BCAS1: variants seen among roughly 807,000 people sequenced by gnomAD.
BCAS1 encodes the protein breast carcinoma-amplified sequence 1.
In BCAS1, 46 loss-of-function variants were observed where a neutral mutation model predicts 65.4. That is an observed-to-expected ratio of 0.70 (90% CI 0.55 to 0.90). BCAS1 has a LOEUF of 0.90. BCAS1 is among the 40% of genes least tolerant of loss of function. The probability of loss-of-function intolerance (pLI) is 0.00; values close to 1 mark genes in which losing one functional copy is unlikely to be tolerated. For missense variants in BCAS1, 793 were observed against 771.2 expected (o/e 1.03, Z -0.33); for synonymous variants, 298 against 293.5 (o/e 1.02, Z -0.16).
intron 1 of BCAS1, among the ~76,000 whole-genome samples, chr20:54,063,529 G>C (rs539952277): frequency 6.6e-5 from 10 of 152,222 alleles, no homozygotes; most frequent in African/African-American, 2.4e-4. Context: ...AGTCAATTTG[G>C]GGCCCTGGAA....
chr20:53,953,607 T>A lies in BCAS1; in HGVS notation c.1640A>T (p.Asp547Val). The change falls in exon 12 of 13, where the codon GAC (aspartate) becomes GTC (valine). Residue 547 changes from aspartate to valine, a missense_variant. By Grantham distance (152) the Asp-to-Val change is radical. Coordinates refer to ENST00000688948, the MANE Select transcript of BCAS1 (RefSeq NM_001366298.2). The stretch of plus-strand genomic sequence containing the variant: ...GTTCATCTCGGCTGCTGACTTCTTG[T>A]CCTTCGAGGAGCCCTCTTTACCCTT... ...PQKGKEGSSK[D>V]KKSAAEMNKQ... The A allele has an allele frequency of 6.2e-7, 1 of 1,613,942 alleles. No individual in the cohort carries two copies. The highest frequency in any genetic ancestry group is 8.5e-7 in the Non-Finnish European group (1 of 1,180,002).
At chr20:54,036,174 C>T (rs552127905) in intron 3 of BCAS1, among the ~76,000 whole-genome samples, 2 of 150,768 alleles carry the variant, frequency 1.3e-5, no homozygotes, top group South Asian at 2.1e-4. Context: ...GACAACAAAC[C>T]CCCATGACAC....
intron 12 of BCAS1, among the ~76,000 whole-genome samples, chr20:53,948,526 C>T (rs571823999): frequency 9.8e-5 from 15 of 152,310 alleles, no homozygotes; most frequent in Non-Finnish European, 2.1e-4. Context: ...TTTAGGTGGG[C>T]ACCTGCCCTT....
intron 1 of BCAS1, among the ~76,000 whole-genome samples, chr20:54,060,268 A>G (rs1178757285): frequency 2.0e-5 from 3 of 152,246 alleles, no homozygotes; most frequent in Non-Finnish European, 2.9e-5. Context: ...TAAGCAAAAC[A>G]TATCTGCTTA....
intron 8 of BCAS1, among the ~76,000 whole-genome samples, chr20:53,981,187 G>A (rs891581987): frequency 2.6e-5 from 4 of 152,192 alleles, no homozygotes; most frequent in African/African-American, 9.7e-5. Context: ...TTTTGATCAT[G>A]TGACAGCTCT....
chr20:54,001,162 T>C (rs1308180269), intron 4 of BCAS1, among the ~76,000 whole-genome samples: 1 of 152,222 alleles, frequency 6.6e-6, no homozygotes, highest in Admixed American at 6.5e-5. Flanking sequence ...TTAAGATTTG[T>C]TCGTGAAACT....
chr20:54,015,679 T>A (rs2091422253), intron 4 of BCAS1, among the ~76,000 whole-genome samples: 1 of 152,234 alleles, frequency 6.6e-6, no homozygotes, highest in Admixed American at 6.5e-5. Context: ...TTATTCTTTC[T>A]GAACAATGAA....
intron 10 of BCAS1, among the ~76,000 whole-genome samples, chr20:53,963,307 C>T (rs1431907937): frequency 1.3e-5 from 2 of 151,398 alleles, no homozygotes; most frequent in Non-Finnish European, 3.0e-5. Flanking sequence ...TATGGTGAAA[C>T]CCTGTCTCTT....
At chr20:54,054,846 G>C (rs1601014383) in intron 3 of BCAS1, among the ~76,000 whole-genome samples, 1 of 152,118 alleles carries the variant, frequency 6.6e-6, no homozygotes, top group Non-Finnish European at 1.5e-5. Context: ...CTCCTTTTGG[G>C]AACATCTTTG....
intron 11 of BCAS1, among the ~76,000 whole-genome samples, chr20:53,954,051 T>G (rs1413654791): frequency 6.6e-6 from 1 of 152,188 alleles, no homozygotes; most frequent in Non-Finnish European, 1.5e-5. Context: ...AGCATGTGAC[T>G]TAGGCCTGAC....
intron 10 of BCAS1, among the ~76,000 whole-genome samples, chr20:53,962,317 C>T (rs375156944): frequency 1.3e-5 from 2 of 152,284 alleles, no homozygotes; most frequent in East Asian, 3.9e-4. Flanking sequence ...CTCATTTGGA[C>T]TTTTAATTTA....
chr20:54,057,918 T>C (rs111344138), intron 3 of BCAS1, among the ~76,000 whole-genome samples, 167 bp downstream of exon 3: 3 of 152,238 alleles, frequency 2.0e-5, no homozygotes, highest in Admixed American at 6.5e-5. Context: ...TACATTTCTG[T>C]TGCTTAAGCC....
At chr20:54,003,963 C>T (rs1424124761) in intron 4 of BCAS1, among the ~76,000 whole-genome samples, 1 of 152,198 alleles carries the variant, frequency 6.6e-6, no homozygotes, top group East Asian at 1.9e-4. Context: ...CTATTTATAG[C>T]AGATGAGTGT....
At chr20:54,053,457 G>A (rs910749373) in intron 3 of BCAS1, among the ~76,000 whole-genome samples, 2 of 152,056 alleles carry the variant, frequency 1.3e-5, no homozygotes, top group South Asian at 2.1e-4. Context: ...ACATTGTATC[G>A]AAAGACAAAT....
chr20:53,979,923 A>G (rs2090435099), intron 8 of BCAS1, among the ~76,000 whole-genome samples: 1 of 152,176 alleles, frequency 6.6e-6, no homozygotes, highest in Admixed American at 6.5e-5. Context: ...ATTTTTCTTG[A>G]GTAATTCTAT....
At chr20:53,960,709 C>T (rs891802260) in intron 10 of BCAS1, among the ~76,000 whole-genome samples, 3 of 151,902 alleles carry the variant, frequency 2.0e-5, no homozygotes, top group Admixed American at 6.6e-5. Flanking sequence ...TCCTTCCTCT[C>T]GTCCTCTCTC....
rs570762576 is a variant in BCAS1 at position 54,021,629 on chromosome 20, A to C, written c.723+6763T>G. Among the ~76,000 whole-genome samples the C allele has an allele frequency of 5.3e-5, 8 of 152,020 alleles. No homozygotes were observed. In the South Asian group the frequency reaches 1.7e-3, roughly 32 times the overall value. On this transcript the variant is annotated intron_variant, in intron 4 of 12. Coordinates refer to ENST00000688948, the MANE Select transcript of BCAS1 (RefSeq NM_001366298.2). The stretch of plus-strand genomic sequence containing the variant: ...ATTATCTTTGGCAAACTAACGCAGG[A>C]ACAGAGAACCAAACACCGCATGTTC...
intron 10 of BCAS1, among the ~76,000 whole-genome samples, chr20:53,965,857 C>A (rs1218174096): frequency 4.6e-5 from 7 of 151,690 alleles, no homozygotes; most frequent in Non-Finnish European, 1.0e-4. Context: ...GTATCATTGA[C>A]CACCAAGAGA....
chr20:54,028,040 A>C (rs563755888), intron 4 of BCAS1, among the ~76,000 whole-genome samples: 1 of 152,338 alleles, frequency 6.6e-6, no homozygotes, highest in Non-Finnish European at 1.5e-5. Flanking sequence ...ATCTTTTAGG[A>C]ATCATTTTTA....
Sources: gnomAD v4.1 joint callset for allele counts (sites outside exome capture counted in the v4.1 genomes callset) on GRCh38, gnomAD v4.1.1 for gene constraint, MANE v1.5 for transcripts, NCBI Gene and HGNC (gene_info 2026-07-23, HGNC 2026-07-21) for gene names.